INTS4: variants seen among roughly 807,000 people sequenced by gnomAD.
INTS4 encodes the protein integrator complex subunit 4.
Under a neutral mutation model 119.5 loss-of-function variants are expected in INTS4, and 70 were observed. The observed-to-expected ratio is 0.59, with a 90% CI of 0.48 to 0.71. INTS4 has a LOEUF of 0.71. Ranked by LOEUF, INTS4 falls within the 30% of genes least tolerant of loss-of-function variation. The pLI is 0.00. For synonymous variants in INTS4, 316 were observed against 419.6 expected (o/e 0.75, Z 3.02); for missense variants, 867 against 1,173.2 (o/e 0.74, Z 3.81).
intron 18 of INTS4, among the ~76,000 whole-genome samples, chr11:77,895,123 C>CT (rs144920536): frequency 0.098 from 14,986 of 152,162 alleles, 1,075 homozygotes; most frequent in Admixed American, 0.18. Context: ...TTTCATTTCA[C>CT]TAAAAAGTTA....
chr11:77,913,533 G>C (rs867214095), intron 15 of INTS4, among the ~76,000 whole-genome samples: 16 of 152,012 alleles, frequency 1.1e-4, no homozygotes, highest in Admixed American at 6.6e-5. Context: ...GGATGGTCTC[G>C]ATCTCCTGAG....
At chr11:77,974,951 C>A (rs968397887) in intron 4 of INTS4, among the ~76,000 whole-genome samples, 1 of 152,086 alleles carries the variant, frequency 6.6e-6, no homozygotes, top group Non-Finnish European at 1.5e-5. Flanking sequence ...CTGGTCTTCT[C>A]ATTTCTGAGT....
At chr11:77,964,170 T>C (rs777145920) in intron 4 of INTS4, among the ~76,000 whole-genome samples, 1 of 152,064 alleles carries the variant, frequency 6.6e-6, no homozygotes, top group Non-Finnish European at 1.5e-5. Flanking sequence ...ATCCAATAAG[T>C]GAAATGATTA....
At chr11:77,956,091 C>A in intron 7 of INTS4, 29 bp from the exon 8 acceptor site, 1 of 1,574,472 alleles carries the variant, frequency 6.4e-7, no homozygotes. Flanking sequence ...AATGAAATCA[C>A]TTAGAACAAA....
chr11:77,903,430 T>C (rs1952839347), intron 17 of INTS4, 110 bp downstream of exon 17: 1 of 1,605,272 alleles, frequency 6.2e-7, no homozygotes, highest in African/African-American at 1.4e-5. Flanking sequence ...GCCACAACTT[T>C]TCCTGCAAGG....
At chr11:77,932,047 TAAAC>T (rs1162974646) in intron 10 of INTS4, among the ~76,000 whole-genome samples, 5 of 152,088 alleles carry the variant, frequency 3.3e-5, no homozygotes, top group Non-Finnish European at 5.9e-5. Flanking sequence ...CTTCATGACT[TAAAC>T]ACCAAAAGCA....
chr11:77,988,031 C>G (rs1254515574), intron 2 of INTS4, among the ~76,000 whole-genome samples: 1 of 150,926 alleles, frequency 6.6e-6, no homozygotes, highest in African/African-American at 2.4e-5. Flanking sequence ...AACCCAGTCT[C>G]TAGATAGATA....
At chr11:77,901,682 G>A in intron 17 of INTS4, 131 bp from the exon 18 acceptor site, 1 of 692,838 alleles carries the variant, frequency 1.4e-6, no homozygotes, top group Non-Finnish European at 2.4e-6. Flanking sequence ...GCTTTTAAGT[G>A]TTGAAAGAAA....
intron 1 of INTS4, among the ~76,000 whole-genome samples, chr11:77,991,819 G>A (rs142583016): frequency 6.6e-6 from 1 of 152,210 alleles, no homozygotes; most frequent in East Asian, 1.9e-4. Context: ...GTGCAATGGT[G>A]CAATCTTGGC....
At chr11:77,933,918 C>A (rs560937847) in intron 10 of INTS4, among the ~76,000 whole-genome samples, 41 of 152,064 alleles carry the variant, frequency 2.7e-4, no homozygotes, top group Non-Finnish European at 1.3e-4. Context: ...TGAGAGCGGG[C>A]CATGATGACA....
chr11:77,960,247 A>T, intron 6 of INTS4, 94 bp downstream of exon 6: 1 of 804,458 alleles, frequency 1.2e-6, no homozygotes. Flanking sequence ...TAACTAGCGA[A>T]GTCCTTACGT....
At chr11:77,937,138 GCACTT>G (rs1953815606) in intron 10 of INTS4, among the ~76,000 whole-genome samples, 1 of 151,224 alleles carries the variant, frequency 6.6e-6, no homozygotes, top group Admixed American at 6.6e-5. Context: ...TCACACCACT[GCACTT>G]CAGCCTGGGC....
intron 8 of INTS4, among the ~76,000 whole-genome samples, chr11:77,943,274 A>ATCATTACT (rs1953971916): frequency 6.6e-6 from 1 of 152,192 alleles, no homozygotes; most frequent in Non-Finnish European, 1.5e-5. Flanking sequence ...TAAATTTTCA[A>ATCATTACT]TGTCACCTAA....
intron 15 of INTS4, among the ~76,000 whole-genome samples, chr11:77,916,992 C>T (rs1026302209): frequency 2.0e-5 from 3 of 152,150 alleles, no homozygotes; most frequent in Admixed American, 2.0e-4. Flanking sequence ...AATGGGAAAA[C>T]ATAACTTGGA....
chr11:77,920,266 C>T (rs199651748), intron 14 of INTS4, among the ~76,000 whole-genome samples: 1,118 of 49,992 alleles, frequency 0.022, 6 homozygotes, highest in African/African-American at 0.079. Context: ...TACATATATA[C>T]ACATATATAT....
chr11:77,966,712 T>C (rs1230235792), intron 4 of INTS4, among the ~76,000 whole-genome samples: 1 of 152,214 alleles, frequency 6.6e-6, no homozygotes, highest in Non-Finnish European at 1.5e-5. Flanking sequence ...AAATAGGGAA[T>C]GTAATGCCTC....
intron 15 of INTS4, chr11:77,915,321 C>G (rs1278617267): frequency 3.3e-5 from 5 of 152,152 alleles, no homozygotes; most frequent in African/African-American, 1.2e-4. Context: ...TACTGGGGGG[C>G]CCATCACTGG....
intron 2 of INTS4, among the ~76,000 whole-genome samples, chr11:77,982,043 A>G (rs1160531728): frequency 4.6e-5 from 7 of 151,942 alleles, no homozygotes; most frequent in Non-Finnish European, 8.8e-5. Context: ...GGTATACAAC[A>G]TTGCTGCCAG....
intron 8 of INTS4, among the ~76,000 whole-genome samples, chr11:77,951,394 C>G (rs1381634954): frequency 6.6e-6 from 1 of 151,992 alleles, no homozygotes; most frequent in African/African-American, 2.4e-5. Flanking sequence ...ACAAATCTGA[C>G]AAAAACAAGA....
Sources: gnomAD v4.1 joint callset for allele counts (sites outside exome capture counted in the v4.1 genomes callset) on GRCh38, gnomAD v4.1.1 for gene constraint, MANE v1.5 for transcripts, NCBI Gene and HGNC (gene_info 2026-07-23, HGNC 2026-07-21) for gene names.